Variants in AOPEP observed in about 807,000 individuals in gnomAD.
AOPEP encodes aminopeptidase O (putative), also known as aminopeptidase O.
Under a neutral mutation model 98.1 loss-of-function variants are expected in AOPEP, and 77 were observed. The ratio of observed to expected loss-of-function variants is 0.78; its 90% CI spans 0.65 to 0.95. The LOEUF is 0.95. Ranked by LOEUF, AOPEP falls within the 40% of genes least tolerant of loss-of-function variation. The pLI is 0.00. For synonymous variants in AOPEP, 346 were observed against 365.3 expected (o/e 0.95, Z 0.60); for missense variants, 1,024 against 1,024.7 (o/e 1.00, Z 0.01).
intron 13 of AOPEP, among the ~76,000 whole-genome samples, chr9:95,007,226 A>G (rs2062097217): frequency 6.6e-6 from 1 of 152,150 alleles, no homozygotes; most frequent in Non-Finnish European, 1.5e-5. Context: ...GCCAAAAATA[A>G]GATTACCAAA....
At chr9:95,110,261 CAA>C in the AOPEP span, 1 of 1,009,686 alleles carries the variant, frequency 9.9e-7, no homozygotes, top group Non-Finnish European at 1.2e-6. Flanking sequence ...CTTTATACTT[CAA>C]AAGTGATTCT....
At chr9:94,977,161 G>T (rs1168142940) in intron 10 of AOPEP, among the ~76,000 whole-genome samples, 1 of 152,146 alleles carries the variant, frequency 6.6e-6, no homozygotes, top group East Asian at 1.9e-4. Flanking sequence ...GAAGATGGAG[G>T]TAAGACAGAT....
the AOPEP span, chr9:95,125,060 T>G: frequency 6.3e-7 from 1 of 1,577,620 alleles, no homozygotes; most frequent in South Asian, 1.1e-5. Context: ...CTGGGATGAA[T>G]GAGTAATATA....
chr9:95,144,726 T>C, the AOPEP span, among the ~76,000 whole-genome samples: 1 of 152,250 alleles, frequency 6.6e-6, no homozygotes, highest in African/African-American at 2.4e-5. Flanking sequence ...TAGTTAAATA[T>C]TCTTTGTAAG....
At chr9:95,083,418 A>G (rs747470487) in intron 16 of AOPEP, among the ~76,000 whole-genome samples, 9 of 147,024 alleles carry the variant, frequency 6.1e-5, no homozygotes, top group Non-Finnish European at 1.2e-4. Context: ...CACGCAGAGC[A>G]CACACGGCAC....
intron 13 of AOPEP, among the ~76,000 whole-genome samples, chr9:95,014,033 T>G (rs1314366487): frequency 6.6e-6 from 1 of 152,254 alleles, no homozygotes; most frequent in Non-Finnish European, 1.5e-5. Context: ...TCACAGTAGA[T>G]ATGAAGCCAA....
At chr9:95,020,341 C>T (rs188734923) in intron 13 of AOPEP, 1 of 152,148 alleles carries the variant, frequency 6.6e-6, no homozygotes, top group East Asian at 1.9e-4. Context: ...GAAGGCCATC[C>T]TTTGTAGACT....
chr9:94,752,217 G>A (rs1835958492), intron 1 of AOPEP, among the ~76,000 whole-genome samples: 1 of 152,132 alleles, frequency 6.6e-6, no homozygotes, highest in African/African-American at 2.4e-5. Context: ...AAAAGGAATT[G>A]TGGGTCTGGA....
At chr9:94,810,718 T>A (rs371262544) in intron 5 of AOPEP, among the ~76,000 whole-genome samples, 39 of 152,300 alleles carry the variant, frequency 2.6e-4, no homozygotes, top group African/African-American at 9.4e-4. Flanking sequence ...GCTAGTTAGA[T>A]CATGAGGCTT....
At chr9:94,834,745 A>C (rs952622879) in intron 5 of AOPEP, among the ~76,000 whole-genome samples, 1 of 152,198 alleles carries the variant, frequency 6.6e-6, no homozygotes, top group African/African-American at 2.4e-5. Context: ...GTGAACAGAG[A>C]TTGCACCATT....
the AOPEP span, chr9:95,126,591 GAGA>G: frequency 6.2e-7 from 1 of 1,613,892 alleles, no homozygotes; most frequent in East Asian, 2.2e-5. Flanking sequence ...GCTGTAAAAG[GAGA>G]AGACCATGAG....
At chr9:94,735,381 C>T (rs920960784) in intron 1 of AOPEP, among the ~76,000 whole-genome samples, 10 of 152,116 alleles carry the variant, frequency 6.6e-5, no homozygotes, top group Non-Finnish European at 4.4e-5. Flanking sequence ...CCACCACGCC[C>T]GGCTAATTTT....
the AOPEP span, among the ~76,000 whole-genome samples, chr9:95,121,554 T>A: frequency 1.3e-5 from 2 of 152,300 alleles, no homozygotes; most frequent in Admixed American, 6.5e-5. Flanking sequence ...GCAACATTGT[T>A]TGTAATAAAA....
At chr9:95,135,545 A>C in the AOPEP span, 1 of 1,581,416 alleles carries the variant, frequency 6.3e-7, no homozygotes, top group South Asian at 1.1e-5. Flanking sequence ...GAAATGGCTC[A>C]CTGAAAAAAG....
chr9:95,117,601 C>T, the AOPEP span, among the ~76,000 whole-genome samples: 2 of 16,498 alleles, frequency 1.2e-4, no homozygotes, highest in African/African-American at 4.8e-4. Flanking sequence ...CCTTCTGGGA[C>T]TTAAAAATTT....
intron 3 of AOPEP, among the ~76,000 whole-genome samples, chr9:94,775,928 G>A (rs955117484): frequency 3.9e-5 from 6 of 151,970 alleles, no homozygotes; most frequent in African/African-American, 1.2e-4. Flanking sequence ...GCAGTGAGCC[G>A]AGATCACGCC....
At chr9:95,111,744 TC>T in the AOPEP span, 1 of 1,289,996 alleles carries the variant, frequency 7.8e-7, no homozygotes, top group Non-Finnish European at 1.1e-6. Context: ...ATTGTACTTA[TC>T]CACTGAAGTG....
intron 4 of AOPEP, 28 bp downstream of exon 4, chr9:94,792,946 GAA>G (rs55826214): frequency 1.1e-3 from 1,345 of 1,256,886 alleles, no homozygotes; most frequent in South Asian, 2.6e-3. Flanking sequence ...TGCTGGGAAG[GAA>G]AAAAAAAAAA....
chr9:94,984,931 C>T (rs1037794434), intron 11 of AOPEP, among the ~76,000 whole-genome samples: 8 of 152,200 alleles, frequency 5.3e-5, no homozygotes, highest in Admixed American at 2.6e-4. Context: ...AGGTACGGGG[C>T]GGGAGTGCTG....
Sources: gnomAD v4.1 joint callset for allele counts (sites outside exome capture counted in the v4.1 genomes callset) on GRCh38, gnomAD v4.1.1 for gene constraint, MANE v1.5 for transcripts, NCBI Gene and HGNC (gene_info 2026-07-23, HGNC 2026-07-21) for gene names.